The following CWF19L2 variants were observed in gnomAD, a reference collection of about 807,000 sequenced individuals.
CWF19L2 encodes CWF19 like cell cycle control factor 2, also known as CWF19-like protein 2.
CWF19L2 carries 98 observed loss-of-function variants against 111.7 expected under a neutral mutation model. That is an observed-to-expected ratio of 0.88 (90% CI 0.75 to 1.04). The LOEUF is 1.04. CWF19L2 is among the 50% of genes least tolerant of loss of function. CWF19L2 has a pLI of 0.00. For synonymous variants in CWF19L2, 351 were observed against 342.9 expected, an observed-to-expected ratio of 1.02 and a Z score of -0.26; for missense variants, 1,101 against 1,051.4, an observed-to-expected ratio of 1.05 and a Z score of -0.65.
chr11:107,413,065 T>C (rs1861179895), intron 10 of CWF19L2, among the ~76,000 whole-genome samples: 1 of 152,230 alleles, frequency 6.6e-6, no homozygotes, highest in Non-Finnish European at 1.5e-5. Context: ...TCATTACACA[T>C]TTATTCAAAC....
chr11:107,340,859 C>T (rs186070779), intron 14 of CWF19L2, among the ~76,000 whole-genome samples: 4 of 152,270 alleles, frequency 2.6e-5, no homozygotes, highest in Non-Finnish European at 5.9e-5. Flanking sequence ...TTTCTCTTAA[C>T]AGTGTTTTGT....
At chr11:107,347,789 A>G (rs1860101406) in intron 14 of CWF19L2, among the ~76,000 whole-genome samples, 2 of 151,742 alleles carry the variant, frequency 1.3e-5, no homozygotes, top group African/African-American at 4.9e-5. Context: ...CATCCACTTA[A>G]ACTGTTTTCA....
chr11:107,434,734 T>C (rs576408704), intron 6 of CWF19L2, among the ~76,000 whole-genome samples: 50 of 141,110 alleles, frequency 3.5e-4, no homozygotes, highest in Admixed American at 2.4e-3. Flanking sequence ...AATCTCAAAA[T>C]GTGGGCAAAA....
intron 7 of CWF19L2, among the ~76,000 whole-genome samples, chr11:107,431,515 A>T (rs1377918273): frequency 6.6e-6 from 1 of 152,062 alleles, no homozygotes; most frequent in East Asian, 1.9e-4. Flanking sequence ...AAATTTAAAT[A>T]AAAACTCCAA....
chr11:107,339,302 A>G (rs1859971940), intron 14 of CWF19L2, among the ~76,000 whole-genome samples: 1 of 152,170 alleles, frequency 6.6e-6, no homozygotes, highest in Non-Finnish European at 1.5e-5. Context: ...ACATTTGTGC[A>G]CAGGTTTTTG....
At chr11:107,359,060 G>A (rs1367502195) in intron 12 of CWF19L2, among the ~76,000 whole-genome samples, 2 of 108,702 alleles carry the variant, frequency 1.8e-5, no homozygotes, top group Non-Finnish European at 4.8e-5. Context: ...GAACAAAACA[G>A]CCATGCACAG....
At chr11:107,343,605 T>G (rs562819993) in intron 14 of CWF19L2, among the ~76,000 whole-genome samples, 1 of 152,140 alleles carries the variant, frequency 6.6e-6, no homozygotes, top group East Asian at 1.9e-4. Flanking sequence ...TATTTTTATT[T>G]TTTTTGTTTT....
At chr11:107,376,137 A>G (rs1235490811) in intron 12 of CWF19L2, among the ~76,000 whole-genome samples, 1 of 130,630 alleles carries the variant, frequency 7.7e-6, no homozygotes, top group East Asian at 2.3e-4. Flanking sequence ...TTACCAATGA[A>G]AAAGAGTCCA....
At position 107,368,457 on chromosome 11, in the gene CWF19L2, T is replaced by C. The variant is rs1359301793; in HGVS notation, c.1873-14721A>G. On this transcript the variant is annotated intron_variant, in intron 12 of 17. Coordinates refer to ENST00000282251, the MANE Select transcript of CWF19L2 (RefSeq NM_152434.3). ...AAGTATTTAAGCATGCTAAAGATTC[T>C]TCTATTTTGAAAATTTGTCTGGCAT... Among the ~76,000 whole-genome samples the C allele has an allele frequency of 2.2e-5, 3 of 138,458 alleles. 1 individual carries two copies. In the East Asian group the frequency reaches 6.3e-4, roughly 29 times the overall value. The allele number at this position is 138,458 out of a possible 152,430, so 90.8% of individuals were successfully genotyped here.
At chr11:107,445,836 A>G (rs1721918932) in intron 3 of CWF19L2, among the ~76,000 whole-genome samples, 1 of 152,106 alleles carries the variant, frequency 6.6e-6, no homozygotes, top group Non-Finnish European at 1.5e-5. Flanking sequence ...TTTCCTACCA[A>G]CAGAATCCCA....
chr11:107,390,249 T>G (rs1480038867), intron 11 of CWF19L2, 38 bp from the exon 12 acceptor site: 1 of 1,501,692 alleles, frequency 6.7e-7, no homozygotes, highest in African/African-American at 1.4e-5. Context: ...AATGAAAACA[T>G]GAGTCTCTGA....
At chr11:107,430,724 G>T (rs1364331360) in intron 7 of CWF19L2, among the ~76,000 whole-genome samples, 1 of 152,126 alleles carries the variant, frequency 6.6e-6, no homozygotes, top group Admixed American at 6.5e-5. Flanking sequence ...GAAGGAGAGG[G>T]GATGAGAAGA....
intron 12 of CWF19L2, among the ~76,000 whole-genome samples, chr11:107,381,204 T>C (rs565726046): frequency 1.0e-3 from 154 of 152,288 alleles, no homozygotes; most frequent in African/African-American, 3.4e-3. Flanking sequence ...TGCCACTGAA[T>C]TGTATACTGT....
chr11:107,343,952 C>T (rs1477100784), intron 14 of CWF19L2, among the ~76,000 whole-genome samples: 7 of 152,042 alleles, frequency 4.6e-5, no homozygotes, highest in Admixed American at 3.9e-4. Flanking sequence ...CGGTGGCTCA[C>T]GCTTGTAATT....
At chr11:107,449,884 C>A (rs1363968340) in intron 3 of CWF19L2, among the ~76,000 whole-genome samples, 1 of 151,984 alleles carries the variant, frequency 6.6e-6, no homozygotes, top group Non-Finnish European at 1.5e-5. Context: ...TAATCCAAAC[C>A]AGTACTATTC....
chr11:107,439,220 A>C (rs1489458480), intron 5 of CWF19L2, 37 bp from the exon 6 acceptor site: 1 of 1,192,132 alleles, frequency 8.4e-7, no homozygotes, highest in Non-Finnish European at 1.2e-6. Flanking sequence ...AATTTCAAAA[A>C]ATTAACAAAT....
intron 14 of CWF19L2, among the ~76,000 whole-genome samples, chr11:107,342,299 T>C (rs1297834062): frequency 6.6e-6 from 1 of 152,056 alleles, no homozygotes; most frequent in Non-Finnish European, 1.5e-5. Flanking sequence ...TTTAAAGTTG[T>C]TGAATAATAC....
At chr11:107,444,933 C>T (rs570891208) in intron 3 of CWF19L2, among the ~76,000 whole-genome samples, 3 of 152,152 alleles carry the variant, frequency 2.0e-5, no homozygotes, top group African/African-American at 4.8e-5. Context: ...TTAGTTCAAA[C>T]GTAGGTACCT....
chr11:107,408,755 C>T (rs907303077), intron 10 of CWF19L2, among the ~76,000 whole-genome samples: 1 of 151,916 alleles, frequency 6.6e-6, no homozygotes, highest in Admixed American at 6.6e-5. Flanking sequence ...AAAAAACTAG[C>T]TAAATGACTA....
Sources: allele counts gnomAD v4.1 joint callset (sites outside exome capture counted in the v4.1 genomes callset), GRCh38; gene constraint gnomAD v4.1.1; transcripts MANE v1.5; gene names NCBI Gene and HGNC (gene_info 2026-07-23, HGNC 2026-07-21).